Variants in SUGCT observed in about 807,000 individuals in gnomAD.
The protein encoded by SUGCT is succinyl-CoA:glutarate-CoA transferase.
A neutral mutation model predicts 55.0 loss-of-function variants in SUGCT; 41 were observed. That is an observed-to-expected ratio of 0.74 (90% confidence interval 0.58 to 0.97). SUGCT has a LOEUF of 0.97. Ranked by LOEUF, SUGCT falls within the 50% of genes least tolerant of loss-of-function variation. SUGCT has a pLI of 0.00. For synonymous variants in SUGCT, 187 were observed against 200.4 expected (o/e 0.93, Z 0.56); for missense variants, 568 against 547.8 (o/e 1.04, Z -0.37).
the SUGCT span, among the ~76,000 whole-genome samples, chr7:40,906,128 GT>G: frequency 2.7e-4 from 40 of 149,966 alleles, no homozygotes; most frequent in African/African-American, 9.5e-4. Flanking sequence ...TTTTGTTTTT[GT>G]TTTTTGTTTT....
At chr7:40,378,389 T>C (rs1784710213) in intron 9 of SUGCT, among the ~76,000 whole-genome samples, 1 of 152,228 alleles carries the variant, frequency 6.6e-6, no homozygotes, top group Non-Finnish European at 1.5e-5. Flanking sequence ...CCACTGCAAA[T>C]CTGCTATTGA....
At chr7:40,237,759 C>T (rs1388997761) in intron 7 of SUGCT, 33 bp downstream of exon 7, 1 of 1,570,458 alleles carries the variant, frequency 6.4e-7, no homozygotes, top group East Asian at 2.2e-5. Context: ...TTCATAATTT[C>T]TTCCCTTACA....
the SUGCT span, among the ~76,000 whole-genome samples, chr7:40,880,654 T>C: frequency 3.3e-5 from 5 of 152,316 alleles, no homozygotes; most frequent in East Asian, 7.7e-4. Flanking sequence ...TAAAATTTCA[T>C]TGGAAAAAAG....
the SUGCT span, among the ~76,000 whole-genome samples, chr7:40,952,404 T>C: frequency 6.6e-6 from 1 of 152,208 alleles, no homozygotes; most frequent in Non-Finnish European, 1.5e-5. Context: ...TGACACTTTA[T>C]CCAATTTGCC....
chr7:41,029,813 T>G, the SUGCT span, among the ~76,000 whole-genome samples: 50 of 152,326 alleles, frequency 3.3e-4, no homozygotes, highest in Middle Eastern at 6.8e-3. Context: ...GTATATTCTA[T>G]GAGTTTTGGC....
At chr7:40,977,572 A>G in the SUGCT span, among the ~76,000 whole-genome samples, 1 of 152,106 alleles carries the variant, frequency 6.6e-6, no homozygotes, top group Non-Finnish European at 1.5e-5. Context: ...GACAAGTTGC[A>G]TGGGGCTTCT....
chr7:40,480,409 G>T (rs573358772), intron 11 of SUGCT, among the ~76,000 whole-genome samples: 2 of 152,088 alleles, frequency 1.3e-5, no homozygotes, highest in African/African-American at 4.8e-5. Context: ...ACATTGTTTT[G>T]ATTTTTTGTA....
At chr7:40,458,257 T>C (rs895931618) in intron 10 of SUGCT, among the ~76,000 whole-genome samples, 1 of 152,250 alleles carries the variant, frequency 6.6e-6, no homozygotes, top group Non-Finnish European at 1.5e-5. Context: ...CTGTAAATAC[T>C]CCTTGTGACT....
At chr7:40,272,667 T>TTA (rs1562634311) in intron 7 of SUGCT, among the ~76,000 whole-genome samples, 212 of 140,360 alleles carry the variant, frequency 1.5e-3, no homozygotes, top group South Asian at 5.0e-3. Context: ...TATTATTATT[T>TTA]TTTTTTTTTT....
intron 7 of SUGCT, among the ~76,000 whole-genome samples, chr7:40,245,265 G>C (rs938852155): frequency 6.7e-6 from 1 of 148,872 alleles, no homozygotes; most frequent in Admixed American, 6.8e-5. Flanking sequence ...CACCGTGTTG[G>C]CCAGGCTGGT....
intron 12 of SUGCT, among the ~76,000 whole-genome samples, chr7:40,596,026 C>T (rs546890182): frequency 2.0e-5 from 3 of 152,246 alleles, no homozygotes; most frequent in African/African-American, 4.8e-5. Flanking sequence ...CCATGTAGTG[C>T]GAAATCCTCA....
chr7:40,280,870 T>C (rs1392593496), intron 8 of SUGCT, among the ~76,000 whole-genome samples: 1 of 152,154 alleles, frequency 6.6e-6, no homozygotes, highest in African/African-American at 2.4e-5. Flanking sequence ...GTACCCGTAT[T>C]GTTACTTCTG....
intron 8 of SUGCT, among the ~76,000 whole-genome samples, chr7:40,314,409 G>T (rs1389589049): frequency 6.6e-6 from 1 of 152,078 alleles, no homozygotes; most frequent in Non-Finnish European, 1.5e-5. Context: ...CCCTTAGAGA[G>T]TGACATTCGC....
intron 13 of SUGCT, among the ~76,000 whole-genome samples, chr7:40,773,238 C>A (rs1432894256): frequency 4.6e-5 from 7 of 152,028 alleles, no homozygotes; most frequent in Admixed American, 4.6e-4. Context: ...AAGCGATTCT[C>A]CTGCCTCAGC....
intron 9 of SUGCT, among the ~76,000 whole-genome samples, chr7:40,407,150 A>G (rs1786414895): frequency 6.6e-6 from 1 of 152,184 alleles, no homozygotes; most frequent in Non-Finnish European, 1.5e-5. Context: ...TCAAATGCAC[A>G]AACGTACACA....
At chr7:40,227,035 T>A (rs1788412325) in intron 6 of SUGCT, among the ~76,000 whole-genome samples, 1 of 145,104 alleles carries the variant, frequency 6.9e-6, no homozygotes, top group Non-Finnish European at 1.5e-5. Context: ...GAGAATAGTT[T>A]AATAGATCTT....
At chr7:40,250,860 G>A (rs1404535550) in intron 7 of SUGCT, among the ~76,000 whole-genome samples, 1 of 138,744 alleles carries the variant, frequency 7.2e-6, no homozygotes, top group African/African-American at 2.9e-5. Context: ...TTTTTAAGAC[G>A]GGGTCTCACC....
chr7:40,854,560 A>G (rs1436475405), intron 13 of SUGCT, among the ~76,000 whole-genome samples: 5 of 151,196 alleles, frequency 3.3e-5, no homozygotes, highest in Non-Finnish European at 7.4e-5. Context: ...ATTTCAGTAC[A>G]CTTACTTAGT....
At chr7:40,211,493 C>T (rs1475678973) in intron 6 of SUGCT, among the ~76,000 whole-genome samples, 1 of 152,196 alleles carries the variant, frequency 6.6e-6, no homozygotes, top group African/African-American at 2.4e-5. Flanking sequence ...GGATTACAGG[C>T]ATGAGCCACC....
Sources: gnomAD v4.1 joint callset for allele counts (sites outside exome capture counted in the v4.1 genomes callset) on GRCh38, gnomAD v4.1.1 for gene constraint, MANE v1.5 for transcripts, NCBI Gene and HGNC (gene_info 2026-07-23, HGNC 2026-07-21) for gene names.